Variants in ATRNL1 observed in about 807,000 individuals in gnomAD.
ATRNL1 encodes attractin-like protein 1.
In ATRNL1, 95 loss-of-function variants were observed where a neutral mutation model predicts 182.7. That is an observed-to-expected ratio of 0.52 (90% CI 0.44 to 0.62). The LOEUF is 0.62. Ranked by LOEUF, ATRNL1 falls within the 20% of genes least tolerant of loss-of-function variation. ATRNL1 has a pLI of 0.00. For missense variants in ATRNL1, 1,471 were observed against 1,679.5 expected (o/e 0.88, Z 2.17); for synonymous variants, 576 against 568.3 (o/e 1.01, Z -0.19).
chr10:115,335,753 A>G (rs1356145907), intron 19 of ATRNL1, among the ~76,000 whole-genome samples: 1 of 152,214 alleles, frequency 6.6e-6, no homozygotes, highest in Non-Finnish European at 1.5e-5. Flanking sequence ...TTCCTAATAC[A>G]ATGCCTATAT....
chr10:115,513,603 A>C (rs1554983190), intron 24 of ATRNL1, among the ~76,000 whole-genome samples: 1 of 151,970 alleles, frequency 6.6e-6, no homozygotes, highest in Non-Finnish European at 1.5e-5. Flanking sequence ...GGAATCTTGA[A>C]AGAGAATCTG....
chr10:115,185,971 G>A (rs927305352), intron 8 of ATRNL1, among the ~76,000 whole-genome samples: 1 of 151,974 alleles, frequency 6.6e-6, no homozygotes, highest in Non-Finnish European at 1.5e-5. Context: ...TACAGTCTCT[G>A]TCTCATCTAT....
chr10:115,688,309 A>T (rs868940694), intron 26 of ATRNL1, among the ~76,000 whole-genome samples: 1 of 152,218 alleles, frequency 6.6e-6, no homozygotes, highest in Middle Eastern at 3.4e-3. Flanking sequence ...TGATACACTG[A>T]TTTCCTTTGG....
At chr10:115,737,276 C>T (rs1387283375) in intron 27 of ATRNL1, among the ~76,000 whole-genome samples, 1 of 150,032 alleles carries the variant, frequency 6.7e-6, no homozygotes, top group Non-Finnish European at 1.5e-5. Context: ...ACATCCCCCC[C>T]CCCCAAAAAA....
intron 24 of ATRNL1, among the ~76,000 whole-genome samples, chr10:115,501,171 T>G (rs1331423357): frequency 6.6e-6 from 1 of 152,052 alleles, no homozygotes; most frequent in Non-Finnish European, 1.5e-5. Flanking sequence ...TAACCTCAGG[T>G]GATCCACCTG....
At chr10:115,935,345 A>T (rs1180108673) in intron 28 of ATRNL1, among the ~76,000 whole-genome samples, 8 of 152,214 alleles carry the variant, frequency 5.3e-5, no homozygotes, top group Non-Finnish European at 1.0e-4. Context: ...CATTCAGTTG[A>T]TGTTAACAGA....
chr10:115,661,449 A>T lies in ATRNL1; in HGVS notation c.3796-65799A>T, dbSNP rs6585345. Reference sequence around the variant, plus strand: ...GATCAATATGGTTAAATTTAATAAAATTCAAATTAAAGAATCTACATTATT... The same window carrying T: ...GATCAATATGGTTAAATTTAATAAATTTCAAATTAAAGAATCTACATTATT... On this transcript the variant is annotated intron_variant, in intron 26 of 28. Transcript: ENST00000355044. Among the ~76,000 whole-genome samples the T allele has an allele frequency of 2.6e-3, 395 of 152,302 alleles. 1 individual carries two copies. Among genetic ancestry groups the T allele is most frequent in the African/African-American group, 8.8e-3 (366 of 41,572 alleles).
intron 13 of ATRNL1, among the ~76,000 whole-genome samples, chr10:115,270,374 T>TTA (rs369846403): frequency 2.4e-4 from 6 of 25,054 alleles, no homozygotes; most frequent in African/African-American, 6.0e-4. Flanking sequence ...TATAAATCTA[T>TTA]TATATAATAT....
chr10:115,840,313 A>T (rs782072935), intron 27 of ATRNL1, among the ~76,000 whole-genome samples: 8 of 152,146 alleles, frequency 5.3e-5, no homozygotes, highest in Middle Eastern at 3.2e-3. Context: ...ATTAACAGAG[A>T]TTTTAAAAAT....
chr10:115,823,623 T>C (rs1555091132), intron 27 of ATRNL1, among the ~76,000 whole-genome samples: 1 of 152,118 alleles, frequency 6.6e-6, no homozygotes, highest in Admixed American at 6.5e-5. Flanking sequence ...AAGCATTCCA[T>C]ACACCAATAA....
intron 26 of ATRNL1, among the ~76,000 whole-genome samples, chr10:115,699,808 C>A (rs530542241): frequency 6.6e-6 from 1 of 152,244 alleles, no homozygotes; most frequent in South Asian, 2.1e-4. Context: ...GAGCATAGTA[C>A]CCCATAGTTA....
chr10:115,270,607 G>A (rs1437589230), intron 13 of ATRNL1, among the ~76,000 whole-genome samples: 1 of 151,826 alleles, frequency 6.6e-6, no homozygotes, highest in East Asian at 1.9e-4. Context: ...AACCAGGAGT[G>A]CAGATGGTGT....
At chr10:115,567,845 A>G in intron 26 of ATRNL1, among the ~76,000 whole-genome samples, 1 of 152,140 alleles carries the variant, frequency 6.6e-6, no homozygotes, top group East Asian at 1.9e-4. Flanking sequence ...CAAGGAGAAT[A>G]ATGCATAATA....
At chr10:115,551,636 A>G (rs1852996524) in intron 26 of ATRNL1, among the ~76,000 whole-genome samples, 2 of 151,594 alleles carry the variant, frequency 1.3e-5, no homozygotes, top group South Asian at 4.1e-4. Context: ...ATAGCATTAC[A>G]TGTTAAAACA....
intron 13 of ATRNL1, among the ~76,000 whole-genome samples, chr10:115,280,453 T>A (rs1188120560): frequency 6.6e-6 from 1 of 152,230 alleles, no homozygotes; most frequent in African/African-American, 2.4e-5. Context: ...AGTCTTGATC[T>A]GTCTTCTTGG....
chr10:115,876,550 A>G (rs1295644745), intron 28 of ATRNL1, among the ~76,000 whole-genome samples: 1 of 152,150 alleles, frequency 6.6e-6, no homozygotes, highest in Non-Finnish European at 1.5e-5. Context: ...ATTGTGTTTC[A>G]TATTTTTGAG....
chr10:115,741,259 G>C (rs556334758), intron 27 of ATRNL1, among the ~76,000 whole-genome samples: 4 of 152,258 alleles, frequency 2.6e-5, no homozygotes, highest in African/African-American at 9.6e-5. Context: ...TCAATGTATT[G>C]CTGAATGTTT....
chr10:115,301,795 A>G (rs781816752), intron 16 of ATRNL1, 60 bp from the exon 17 acceptor site: 150 of 1,413,462 alleles, frequency 1.1e-4, no homozygotes, highest in Admixed American at 5.5e-4. Context: ...AAGAAAACCC[A>G]TACAATTGTG....
intron 9 of ATRNL1, among the ~76,000 whole-genome samples, chr10:115,219,107 C>T (rs1451424144): frequency 7.3e-5 from 11 of 151,686 alleles, no homozygotes; most frequent in Non-Finnish European, 1.3e-4. Flanking sequence ...TGGTGATGTG[C>T]GCCTGTAGTC....
Sources: allele counts gnomAD v4.1 joint callset (sites outside exome capture counted in the v4.1 genomes callset), GRCh38; gene constraint gnomAD v4.1.1; transcripts MANE v1.5; gene names NCBI Gene and HGNC (gene_info 2026-07-23, HGNC 2026-07-21).